The following ADK variants were observed in gnomAD, a reference collection of about 807,000 sequenced individuals.
ADK encodes the protein N6,N6-dimethyladenosine kinase.
In ADK, 24 loss-of-function variants were observed where a neutral mutation model predicts 44.7. The ratio of observed to expected loss-of-function variants is 0.54; its 90% CI spans 0.39 to 0.76. ADK has a LOEUF of 0.76. ADK is among the 30% of genes least tolerant of loss of function. ADK has a pLI of 0.00. For synonymous variants in ADK, 128 were observed against 142.6 expected (o/e 0.90, Z 0.73); for missense variants, 321 against 425.1 (o/e 0.76, Z 2.15).
chr10:74,404,142 G>A (rs1843821609), intron 6 of ADK, among the ~76,000 whole-genome samples: 1 of 151,086 alleles, frequency 6.6e-6, no homozygotes. Context: ...AAAGTTCTGG[G>A]ATTACAGGCA....
At chr10:74,484,087 G>A (rs1030914187) in intron 6 of ADK, among the ~76,000 whole-genome samples, 27 of 152,136 alleles carry the variant, frequency 1.8e-4, no homozygotes, top group African/African-American at 6.0e-4. Flanking sequence ...GTTTGTTCTC[G>A]TACTGCTATA....
intron 2 of ADK, among the ~76,000 whole-genome samples, chr10:74,209,162 T>A (rs560890909): frequency 6.6e-6 from 1 of 152,190 alleles, no homozygotes; most frequent in Non-Finnish European, 1.5e-5. Context: ...TTATGAAGGC[T>A]CTGCTCTTAT....
chr10:74,498,956 GAC>G (rs1847792040), intron 6 of ADK, among the ~76,000 whole-genome samples: 1 of 152,120 alleles, frequency 6.6e-6, no homozygotes, highest in South Asian at 2.1e-4. Context: ...CTATCACAAG[GAC>G]AAAAAACTCT....
At chr10:74,601,788 G>A (rs766086201) in intron 9 of ADK, among the ~76,000 whole-genome samples, 1 of 151,558 alleles carries the variant, frequency 6.6e-6, no homozygotes, top group Non-Finnish European at 1.5e-5. Flanking sequence ...TAAATTCTAG[G>A]AAGGATTAAA....
At chr10:74,237,868 G>A (rs1845030887) in intron 3 of ADK, among the ~76,000 whole-genome samples, 1 of 152,116 alleles carries the variant, frequency 6.6e-6, no homozygotes, top group South Asian at 2.1e-4. Context: ...GGAGACTGAG[G>A]CAGGCAGATC....
intron 1 of ADK, among the ~76,000 whole-genome samples, chr10:74,196,701 A>G (rs751245514): frequency 7.9e-5 from 12 of 152,200 alleles, no homozygotes; most frequent in Non-Finnish European, 1.3e-4. Context: ...ATGGAAATAA[A>G]CAAAACTACC....
At chr10:74,187,070 T>TA (rs1842791234) in intron 1 of ADK, among the ~76,000 whole-genome samples, 1 of 152,192 alleles carries the variant, frequency 6.6e-6, no homozygotes, top group African/African-American at 2.4e-5. Flanking sequence ...GTTTTTTTTT[T>TA]ATGAGAGTTC....
chr10:74,338,369 A>G (rs1172597015), intron 4 of ADK, among the ~76,000 whole-genome samples: 2 of 152,216 alleles, frequency 1.3e-5, no homozygotes, highest in Non-Finnish European at 2.9e-5. Context: ...TTTTTAATAA[A>G]ATTAAAGATA....
chr10:74,467,030 A>G (rs1367946522), intron 6 of ADK, among the ~76,000 whole-genome samples: 1 of 152,156 alleles, frequency 6.6e-6, no homozygotes, highest in African/African-American at 2.4e-5. Context: ...CATATTTTAG[A>G]TGTTTTTGTA....
rs146014979 is a variant in ADK, at chr10:74,649,679, A to G, written c.878-20504A>G. On this transcript the variant is annotated intron_variant, in intron 9 of 10. Transcript: ENST00000539909. ...ATCAACTAATATTCAAGTATTTAAT[A>G]TAGTAGGCTTCCTGCTAAGTTTCAA... Among the ~76,000 whole-genome samples the G allele has an allele frequency of 3.1e-3, 475 of 152,238 alleles. 2 individuals carry two copies. The highest frequency in any genetic ancestry group is 0.014 in the South Asian group (69 of 4,824).
chr10:74,608,390 T>C (rs184981445), intron 9 of ADK, among the ~76,000 whole-genome samples: 4 of 152,264 alleles, frequency 2.6e-5, no homozygotes, highest in African/African-American at 9.6e-5. Context: ...TGGTCTTTGA[T>C]GCTGGTGACC....
intron 6 of ADK, among the ~76,000 whole-genome samples, chr10:74,451,916 TG>T (rs1845795957): frequency 6.6e-6 from 1 of 152,002 alleles, no homozygotes; most frequent in African/African-American, 2.4e-5. Context: ...TTCCTGTATT[TG>T]GTATTTTGGG....
intron 2 of ADK, among the ~76,000 whole-genome samples, chr10:74,207,340 C>T (rs1306700828): frequency 6.6e-6 from 1 of 152,180 alleles, no homozygotes; most frequent in Non-Finnish European, 1.5e-5. Context: ...TTCTTGTTGC[C>T]TGCAAGGTGC....
In ADK at chr10:74,645,072, C is replaced by G. The variant is rs547488289; in HGVS notation, c.878-25111C>G. ...GTTAGCACTAAGTTTTCTGTATCAG[C>G]TTGTCTAGAATTTTTGTTTCAAAAT... On this transcript the variant is annotated intron_variant, in intron 9 of 10. Coordinates refer to ENST00000539909, the MANE Select transcript of ADK (RefSeq NM_006721.4). Among the ~76,000 whole-genome samples, 3 of 152,222 alleles carry G rather than the reference C, an allele frequency of 2.0e-5. No individual in the cohort carries two copies. The South Asian group carries it at 6.2e-4, about 32-fold the overall frequency.
intron 6 of ADK, among the ~76,000 whole-genome samples, chr10:74,523,286 C>T (rs777926470): frequency 6.6e-6 from 1 of 152,118 alleles, no homozygotes; most frequent in Non-Finnish European, 1.5e-5. Flanking sequence ...TCTTACCTTA[C>T]TTTCTCACCA....
At chr10:74,390,730 A>G (rs564623743) in intron 4 of ADK, among the ~76,000 whole-genome samples, 38 of 152,280 alleles carry the variant, frequency 2.5e-4, no homozygotes, top group African/African-American at 8.7e-4. Flanking sequence ...TATTTCTTTA[A>G]TATACTTTCC....
intron 7 of ADK, among the ~76,000 whole-genome samples, chr10:74,574,317 C>G (rs575557261): frequency 1.3e-5 from 2 of 151,964 alleles, no homozygotes; most frequent in South Asian, 4.2e-4. Flanking sequence ...ACTACAGGCG[C>G]ATGCCACCAC....
chr10:74,673,410 C>G (rs1855256213), intron 10 of ADK, among the ~76,000 whole-genome samples: 1 of 152,214 alleles, frequency 6.6e-6, no homozygotes, highest in African/African-American at 2.4e-5. Context: ...AGGAACTAGC[C>G]AGCCACTTTG....
At chr10:74,284,352 C>T (rs559888733) in intron 3 of ADK, among the ~76,000 whole-genome samples, 1 of 151,794 alleles carries the variant, frequency 6.6e-6, no homozygotes, top group African/African-American at 2.4e-5. Flanking sequence ...GTGGCCTCTC[C>T]CTCCCAGGTT....
Sources: allele counts gnomAD v4.1 joint callset (sites outside exome capture counted in the v4.1 genomes callset), GRCh38; gene constraint gnomAD v4.1.1; transcripts MANE v1.5; gene names NCBI Gene and HGNC (gene_info 2026-07-23, HGNC 2026-07-21).